LTBP1: variants seen among roughly 807,000 people sequenced by gnomAD.
The protein encoded by LTBP1 is latent-transforming growth factor beta-binding protein 1.
Under a neutral mutation model 207.6 loss-of-function variants are expected in LTBP1, and 129 were observed. The ratio of observed to expected loss-of-function variants is 0.62; its 90% CI spans 0.54 to 0.72. LTBP1 has a LOEUF of 0.72. Ranked by LOEUF, LTBP1 falls within the 30% of genes least tolerant of loss-of-function variation. The probability of loss-of-function intolerance (pLI) is 0.00; values close to 1 mark genes in which losing one functional copy is unlikely to be tolerated. For synonymous variants in LTBP1, 963 were observed against 833.7 expected (o/e 1.16, Z -2.67); for missense variants, 2,281 against 2,217.2 (o/e 1.03, Z -0.58).
chr2:33,374,406 C>G (rs1207031527), intron 31 of LTBP1, among the ~76,000 whole-genome samples: 1 of 152,142 alleles, frequency 6.6e-6, no homozygotes. Context: ...ACTATGAAAG[C>G]ATTTATCATT....
intron 5 of LTBP1, among the ~76,000 whole-genome samples, chr2:33,149,202 G>A (rs1464450216): frequency 1.6e-5 from 2 of 128,574 alleles, no homozygotes; most frequent in Admixed American, 9.8e-5. Context: ...GTGACAGAGC[G>A]AGACTCCGTC....
chr2:33,156,158 A>G (rs758022485), intron 5 of LTBP1, among the ~76,000 whole-genome samples: 1 of 152,210 alleles, frequency 6.6e-6, no homozygotes, highest in African/African-American at 2.4e-5. Flanking sequence ...AAGGTGAGGA[A>G]ACTAAGGCCC....
chr2:33,128,177 C>T (rs1198750401), intron 4 of LTBP1, among the ~76,000 whole-genome samples: 1 of 152,172 alleles, frequency 6.6e-6, no homozygotes, highest in Non-Finnish European at 1.5e-5. Flanking sequence ...ACATGCTTCT[C>T]CACATACAGA....
intron 2 of LTBP1, among the ~76,000 whole-genome samples, chr2:32,977,545 G>A (rs749584690): frequency 2.0e-5 from 3 of 152,194 alleles, no homozygotes; most frequent in Non-Finnish European, 4.4e-5. Flanking sequence ...GGGGTCCAAG[G>A]CTTGTATAGG....
chr2:33,140,521 T>G (rs2082557782), intron 5 of LTBP1, among the ~76,000 whole-genome samples: 1 of 152,172 alleles, frequency 6.6e-6, no homozygotes, highest in Non-Finnish European at 1.5e-5. Context: ...TTGCTTTTCC[T>G]CCAGGCAATT....
intron 4 of LTBP1, among the ~76,000 whole-genome samples, chr2:33,115,731 T>C (rs190796332): frequency 6.6e-6 from 1 of 152,156 alleles, no homozygotes; most frequent in Admixed American, 6.5e-5. Flanking sequence ...TAGTAATTTT[T>C]TTTAACCCAG....
chr2:33,198,301 A>G (rs1053802363), intron 7 of LTBP1, among the ~76,000 whole-genome samples: 9 of 152,138 alleles, frequency 5.9e-5, no homozygotes, highest in Non-Finnish European at 2.9e-5. Flanking sequence ...TCGGTTTGCT[A>G]GTATTTTTTT....
At position 33,352,193 on chromosome 2, in the gene LTBP1, G is replaced by A. The variant is rs186318529; in HGVS notation, c.4000+4683G>A. ...GTCACCCAGGCTGGAGTGCAGTGGC[G>A]TGATCTTGGCTCACTGCAACCTCTA... On this transcript the variant is annotated intron_variant, in intron 26 of 33. Coordinates refer to ENST00000404816, the MANE Select transcript of LTBP1 (RefSeq NM_206943.4). Among the ~76,000 whole-genome samples the A allele has an allele frequency of 2.8e-3, 422 of 152,092 alleles. 1 individual carries two copies. Among genetic ancestry groups the A allele is most frequent in the African/African-American group, 9.6e-3 (400 of 41,482 alleles).
Position 33,021,027 on chromosome 2 carries a change from A to C in LTBP1, c.684A>C (p.Ser228=). ...CAATAGCTGCCCAGGACACCTCGTC[A>C]CCAGTCTTTGGAGGGCAGAGTCCTG... ...CETIAAQDTS[S]PVFGGQSPGA... The change falls in exon 3 of 34, where the codon TCA becomes TCC. Residue 228 remains serine (S), a synonymous_variant. Transcript: ENST00000404816. The C allele has an allele frequency of 6.2e-7, 1 of 1,614,058 alleles. No individual in the cohort carries two copies. The highest frequency in any genetic ancestry group is 8.5e-7 in the Non-Finnish European group (1 of 1,179,980).
intron 22 of LTBP1, among the ~76,000 whole-genome samples, chr2:33,305,292 C>G (rs2094069193): frequency 6.6e-6 from 1 of 152,146 alleles, no homozygotes; most frequent in Non-Finnish European, 1.5e-5. Flanking sequence ...CCATTGCACT[C>G]CAGCCTGGGC....
Position 33,353,860 on chromosome 2 carries a change from C to CT in LTBP1, c.4000+6367dup, listed in dbSNP as rs1321533317. ...CACTACAGGTTTTGTGCATGTACGC[C>CT]TTTTTTTTTTTTTTTTTGAGACTGA... On this transcript the variant is annotated intron_variant, in intron 26 of 33. Transcript: ENST00000404816. 1.0e-2 allele frequency among the ~76,000 whole-genome samples: 979 copies of CT among 98,268 alleles called. 8 individuals are homozygous for CT. Among genetic ancestry groups the CT allele is most frequent in the South Asian group, 0.025 (69 of 2,718 alleles). The allele number at this position is 98,268 out of a possible 152,430, so 64.5% of individuals were successfully genotyped here.
intron 24 of LTBP1, among the ~76,000 whole-genome samples, chr2:33,326,088 A>AC (rs1418272439): frequency 6.6e-6 from 1 of 152,052 alleles, no homozygotes; most frequent in Non-Finnish European, 1.5e-5. Context: ...TTAAAAAAAA[A>AC]AACAGTGTTT....
chr2:33,188,216 T>C (rs2087418419), intron 6 of LTBP1, among the ~76,000 whole-genome samples: 1 of 151,760 alleles, frequency 6.6e-6, no homozygotes, highest in African/African-American at 2.4e-5. Flanking sequence ...AGGTCAAGAG[T>C]TCAAGACCAG....
At chr2:33,006,381 C>CT (rs3047193) in intron 2 of LTBP1, among the ~76,000 whole-genome samples, 1,640 of 116,714 alleles carry the variant, frequency 0.014, 41 homozygotes, top group African/African-American at 0.045. Context: ...ATAAGAAAGC[C>CT]TTTTTTTTTT....
chr2:33,037,560 C>T (rs1337995406), intron 3 of LTBP1, among the ~76,000 whole-genome samples: 1 of 152,032 alleles, frequency 6.6e-6, no homozygotes, highest in African/African-American at 2.4e-5. Flanking sequence ...CATTGTGTAT[C>T]TTATAGTTGC....
intron 3 of LTBP1, among the ~76,000 whole-genome samples, chr2:33,034,632 T>C (rs1431959198): frequency 6.6e-6 from 1 of 152,168 alleles, no homozygotes; most frequent in African/African-American, 2.4e-5. Context: ...CAACTGCATT[T>C]TGGTGGATTT....
At chr2:33,056,709 A>T (rs112736953) in intron 3 of LTBP1, among the ~76,000 whole-genome samples, 16,886 of 151,638 alleles carry the variant, frequency 0.11, 1,033 homozygotes, top group African/African-American at 0.13. Context: ...GAAGATGCAG[A>T]CCTTCGTGGT....
intron 26 of LTBP1, among the ~76,000 whole-genome samples, chr2:33,353,802 A>G (rs2094815802): frequency 6.6e-6 from 1 of 152,078 alleles, no homozygotes; most frequent in Non-Finnish European, 1.5e-5. Flanking sequence ...AATTGAACTC[A>G]AATAGCATCC....
intron 2 of LTBP1, among the ~76,000 whole-genome samples, chr2:32,964,238 T>C (rs908949160): frequency 6.6e-6 from 1 of 152,168 alleles, no homozygotes; most frequent in African/African-American, 2.4e-5. Flanking sequence ...ACTTTTTTTA[T>C]TAGATGTGTA....
Sources: allele counts gnomAD v4.1 joint callset (sites outside exome capture counted in the v4.1 genomes callset), GRCh38; gene constraint gnomAD v4.1.1; transcripts MANE v1.5; gene names NCBI Gene and HGNC (gene_info 2026-07-23, HGNC 2026-07-21).